CDH18: variants seen among roughly 807,000 people sequenced by gnomAD.
The protein encoded by CDH18 is cadherin-18.
In CDH18, 31 loss-of-function variants were observed where a neutral mutation model predicts 67.9. The ratio of observed to expected loss-of-function variants is 0.46; its 90% confidence interval spans 0.34 to 0.62. The LOEUF is 0.62. Among genes scored for constraint, CDH18 ranks in the 20% least tolerant of loss-of-function variants. The pLI is 0.01. For missense variants in CDH18, 890 were observed against 975.5 expected (o/e 0.91, Z 1.17); for synonymous variants, 362 against 347.2 (o/e 1.04, Z -0.48).
At chr5:20,251,105 T>C (rs1472385824) in intron 2 of CDH18, among the ~76,000 whole-genome samples, 2 of 152,174 alleles carry the variant, frequency 1.3e-5, no homozygotes. Flanking sequence ...CCTTCTGAAA[T>C]TGTGCTAAGA....
chr5:20,026,961 A>T (rs1334314436), intron 2 of CDH18, among the ~76,000 whole-genome samples: 2 of 146,528 alleles, frequency 1.4e-5, no homozygotes, highest in African/African-American at 5.3e-5. Flanking sequence ...TTTCAAACAT[A>T]AAAAAAAAAT....
At chr5:20,527,051 T>C (rs531995774) in intron 1 of CDH18, among the ~76,000 whole-genome samples, 11 of 151,950 alleles carry the variant, frequency 7.2e-5, no homozygotes, top group African/African-American at 2.7e-4. Flanking sequence ...AATAACCAGT[T>C]TAGAGAGGAA....
intron 3 of CDH18, among the ~76,000 whole-genome samples, chr5:19,783,824 G>C (rs2149789733): frequency 6.6e-6 from 1 of 152,120 alleles, no homozygotes; most frequent in East Asian, 1.9e-4. Context: ...ATTTACTATA[G>C]GAACATGGGA....
At chr5:20,404,641 A>T (rs1387343166) in intron 1 of CDH18, among the ~76,000 whole-genome samples, 1 of 152,134 alleles carries the variant, frequency 6.6e-6, no homozygotes, top group East Asian at 1.9e-4. Context: ...CCCCAAAAAA[A>T]TTACAATAGT....
At position 19,581,279 on chromosome 5, in the gene CDH18, A is replaced by G. The variant is rs192248485; in HGVS notation, c.1000-9447T>C. On this transcript the variant is annotated intron_variant, in intron 7 of 12. Transcript: ENST00000382275. ...TCCTATAACTCCTAATTACTTTTAC[A>G]TATCATTGCTCTTTCTAACTTGTAA... 4.6e-5 allele frequency among the ~76,000 whole-genome samples: 7 copies of G among 152,036 alleles called. No individual in the cohort carries two copies. The East Asian group carries it at 1.2e-3, about 25-fold the overall frequency.
intron 8 of CDH18, among the ~76,000 whole-genome samples, chr5:19,552,413 A>G (rs1374837190): frequency 6.6e-6 from 1 of 152,178 alleles, no homozygotes; most frequent in Non-Finnish European, 1.5e-5. Context: ...ATCTAAGAAA[A>G]AAAGCAAAGC....
chr5:20,418,376 C>T (rs957727713), intron 1 of CDH18, among the ~76,000 whole-genome samples: 4 of 151,420 alleles, frequency 2.6e-5, no homozygotes, highest in South Asian at 2.1e-4. Context: ...CCACCACGCC[C>T]GGCCAAGACT....
intron 1 of CDH18, among the ~76,000 whole-genome samples, chr5:20,566,919 C>G (rs931840722): frequency 1.3e-5 from 2 of 152,142 alleles, no homozygotes; most frequent in Non-Finnish European, 2.9e-5. Flanking sequence ...CGATTGCATA[C>G]TATAGATTAC....
At chr5:19,553,994 T>C (rs1737926874) in intron 8 of CDH18, among the ~76,000 whole-genome samples, 1 of 152,106 alleles carries the variant, frequency 6.6e-6, no homozygotes, top group African/African-American at 2.4e-5. Flanking sequence ...AGATTCACTT[T>C]ACGAATTATG....
chr5:19,809,709 A>G (rs917526151), intron 3 of CDH18, among the ~76,000 whole-genome samples: 2 of 152,204 alleles, frequency 1.3e-5, no homozygotes, highest in Admixed American at 1.3e-4. Flanking sequence ...AAGTGTATAC[A>G]TAAGAATCAG....
chr5:19,928,060 C>T (rs992073224), intron 2 of CDH18, among the ~76,000 whole-genome samples: 2 of 152,126 alleles, frequency 1.3e-5, no homozygotes, highest in Non-Finnish European at 2.9e-5. Flanking sequence ...AAAAACACAG[C>T]CTGCCAGGGC....
At chr5:19,846,446 G>C (rs1782961040) in intron 2 of CDH18, among the ~76,000 whole-genome samples, 1 of 151,976 alleles carries the variant, frequency 6.6e-6, no homozygotes, top group Admixed American at 6.6e-5. Context: ...CATCATTCCA[G>C]CATTCTGTTT....
chr5:20,346,394 C>A (rs773261601), intron 1 of CDH18, among the ~76,000 whole-genome samples: 3 of 152,186 alleles, frequency 2.0e-5, no homozygotes, highest in African/African-American at 7.2e-5. Flanking sequence ...GGTGCCTTAA[C>A]AAACCACTCT....
chr5:19,557,680 C>T (rs1738680652), intron 8 of CDH18, among the ~76,000 whole-genome samples: 2 of 151,722 alleles, frequency 1.3e-5, no homozygotes, highest in Admixed American at 6.5e-5. Flanking sequence ...AGATAGACAG[C>T]AACACAGCAA....
chr5:20,429,326 A>G (rs144894780), intron 1 of CDH18, among the ~76,000 whole-genome samples: 210 of 152,300 alleles, frequency 1.4e-3, no homozygotes, highest in Middle Eastern at 3.4e-3. Flanking sequence ...AAAAAAGAAG[A>G]GCAGAGAGAA....
intron 2 of CDH18, among the ~76,000 whole-genome samples, chr5:19,906,516 G>A (rs1484067122): frequency 6.6e-6 from 1 of 151,920 alleles, no homozygotes; most frequent in Non-Finnish European, 1.5e-5. Flanking sequence ...TAGTGAAGAT[G>A]TTCTACACCT....
chr5:20,042,356 T>C lies in CDH18; in HGVS notation c.-517-50342A>G, dbSNP rs559940401. On this transcript the variant is annotated intron_variant, in intron 2 of 14. Coordinates refer to the CDH18 transcript ENST00000507958. ...TTTCAGAAGTTTCTAGTAACAATTC[T>C]ATGTAAATAATAAATAGATCAAAAT... Among the ~76,000 whole-genome samples the C allele has an allele frequency of 5.9e-5, 9 of 152,368 alleles. No individual in the cohort carries two copies. The East Asian group carries it at 1.7e-3, about 29-fold the overall frequency.
At chr5:19,754,108 A>C (rs1422214094) in intron 3 of CDH18, among the ~76,000 whole-genome samples, 3 of 152,080 alleles carry the variant, frequency 2.0e-5, no homozygotes, top group Admixed American at 6.6e-5. Flanking sequence ...AAAAACCCCC[A>C]AAAAACCAAG....
rs1417992466 is a variant in CDH18 at position 19,592,945 on chromosome 5, G to A, written c.812-1701C>T. ...TATATTTGCCCTTCAGTGACTGGTT[G>A]ATTTAATTCAGTCTACTGTCCTCAG... is the stretch of plus-strand genomic sequence containing the variant. On this transcript the variant is annotated intron_variant, in intron 6 of 12. Coordinates refer to ENST00000382275, the MANE Select transcript of CDH18 (RefSeq NM_004934.5). 2.0e-5 allele frequency among the ~76,000 whole-genome samples: 3 copies of A among 151,988 alleles called. No homozygotes were observed. In the East Asian group the frequency reaches 5.8e-4, roughly 30 times the overall value.
Sources: allele counts gnomAD v4.1 joint callset (sites outside exome capture counted in the v4.1 genomes callset), GRCh38; gene constraint gnomAD v4.1.1; transcripts MANE v1.5; gene names NCBI Gene and HGNC (gene_info 2026-07-23, HGNC 2026-07-21).